Variants in TRMT11 observed in about 807,000 individuals in gnomAD.
The protein encoded by TRMT11 is tRNA methyltransferase 11.
In TRMT11, 53 loss-of-function variants were observed where a neutral mutation model predicts 62.8. The observed-to-expected ratio is 0.84, with a 90% confidence interval of 0.68 to 1.06. The LOEUF (loss-of-function observed/expected upper bound fraction) is 1.06. Ranked by LOEUF, TRMT11 falls within the 50% of genes least tolerant of loss-of-function variation. TRMT11 has a pLI of 0.00. For missense variants in TRMT11, 556 were observed against 553.4 expected, an observed-to-expected ratio of 1.00 and a Z score of -0.05; for synonymous variants, 188 against 190.3, an observed-to-expected ratio of 0.99 and a Z score of 0.10.
chr6:125,990,762 A>G (rs1382769616), intron 1 of TRMT11, among the ~76,000 whole-genome samples: 1 of 152,142 alleles, frequency 6.6e-6, no homozygotes, highest in African/African-American at 2.4e-5. Context: ...CTCAAACTGA[A>G]GTAATCTTTT....
At chr6:126,187,368 T>C (rs1057094443) in intron 1 of TRMT11, among the ~76,000 whole-genome samples, 3 of 151,666 alleles carry the variant, frequency 2.0e-5, no homozygotes. Flanking sequence ...TGCGATACAG[T>C]AAAAAAAATC....
chr6:126,137,312 G>GA (rs1432510094), intron 21 of TRMT11, among the ~76,000 whole-genome samples: 11 of 151,098 alleles, frequency 7.3e-5, no homozygotes, highest in Admixed American at 5.3e-4. Context: ...TAGCAAGCAA[G>GA]AAAAAAAATC....
chr6:126,086,764 A>G (rs957455402), intron 17 of TRMT11, among the ~76,000 whole-genome samples: 1 of 151,916 alleles, frequency 6.6e-6, no homozygotes, highest in African/African-American at 2.4e-5. Flanking sequence ...TCTAAGTTTC[A>G]TTACATCACG....
intron 2 of TRMT11, among the ~76,000 whole-genome samples, chr6:126,199,113 G>A (rs535820052): frequency 3.9e-5 from 6 of 152,148 alleles, no homozygotes; most frequent in Non-Finnish European, 8.8e-5. Context: ...TAAATAATTG[G>A]TGTGTAGCTG....
chr6:126,164,277 C>G (rs1478915783), intron 21 of TRMT11, among the ~76,000 whole-genome samples: 2 of 152,058 alleles, frequency 1.3e-5, no homozygotes, highest in African/African-American at 2.4e-5. Flanking sequence ...CATGTAGTTG[C>G]ACCTGTGTTG....
intron 21 of TRMT11, among the ~76,000 whole-genome samples, chr6:126,116,354 C>T (rs1234495155): frequency 6.6e-6 from 1 of 152,042 alleles, no homozygotes; most frequent in Admixed American, 6.6e-5. Flanking sequence ...TTTGCTAGGT[C>T]TGTCTTAGCT....
At chr6:126,121,301 G>A (rs1342732136) in intron 21 of TRMT11, among the ~76,000 whole-genome samples, 1 of 152,038 alleles carries the variant, frequency 6.6e-6, no homozygotes, top group African/African-American at 2.4e-5. Context: ...TAGATATGAT[G>A]CCCATTTATT....
At chr6:126,252,031 T>C in the TRMT11 span, among the ~76,000 whole-genome samples, 1 of 152,126 alleles carries the variant, frequency 6.6e-6, no homozygotes, top group African/African-American at 2.4e-5. Flanking sequence ...GCTTCTTCTG[T>C]CTATTGATTG....
At chr6:126,220,935 C>T in the TRMT11 span, among the ~76,000 whole-genome samples, 1 of 152,074 alleles carries the variant, frequency 6.6e-6, no homozygotes, top group Non-Finnish European at 1.5e-5. Context: ...AAAGTAGGCT[C>T]CAGTGTTTAC....
the TRMT11 span, among the ~76,000 whole-genome samples, chr6:126,253,250 C>G: frequency 6.6e-6 from 1 of 152,182 alleles, no homozygotes; most frequent in Non-Finnish European, 1.5e-5. Flanking sequence ...TTTTGCTCAT[C>G]TTGTCCCACA....
rs1456915237 is a variant in TRMT11, at chr6:126,132,710, G to C, written c.*1823+16855G>C. Among the ~76,000 whole-genome samples, 13 of 152,000 alleles carry C rather than the reference G, an allele frequency of 8.6e-5. 1 individual carries two copies. Among genetic ancestry groups the C allele is most frequent in the Non-Finnish European group, 1.5e-5 (1 of 67,958 alleles). ...CCAAGACAGTAATGACACCACGACT[G>C]TTTTTAATGACTTCCAACATAGGAA... On this transcript the variant is annotated intron_variant and NMD_transcript_variant, in intron 21 of 22. Coordinates refer to the TRMT11 transcript ENST00000648977.
intron 21 of TRMT11, among the ~76,000 whole-genome samples, chr6:126,143,766 T>C (rs1230063653): frequency 1.3e-5 from 2 of 152,228 alleles, no homozygotes; most frequent in Non-Finnish European, 2.9e-5. Flanking sequence ...GACATTGCTT[T>C]ATGTAACCAA....
chr6:126,106,835 G>A (rs1777470152), intron 17 of TRMT11, among the ~76,000 whole-genome samples: 1 of 151,316 alleles, frequency 6.6e-6, no homozygotes, highest in African/African-American at 2.4e-5. Context: ...AGGAGTATTG[G>A]TGTATACATC....
In TRMT11 at chr6:126,057,953, C is replaced by G. The variant is rs113530708; in HGVS notation, c.*1437+4763C>G. ...TCTCCCCAGTGGTATTTCTTTTTTTCTTTTTCTTTTTTTTTTTCAATTATA... is the reference window on the plus strand; with the variant it reads ...TCTCCCCAGTGGTATTTCTTTTTTTGTTTTTCTTTTTTTTTTTCAATTATA... On this transcript the variant is annotated intron_variant and NMD_transcript_variant, in intron 17 of 22. Transcript: ENST00000648977. Among the ~76,000 whole-genome samples, 249 of 124,596 alleles carry G rather than the reference C, an allele frequency of 2.0e-3. 2 individuals carry two copies. The highest frequency in any genetic ancestry group is 6.1e-3 in the African/African-American group (240 of 39,562). 81.7% of individuals were successfully genotyped at this position (124,596 alleles called of 152,430 possible).
chr6:126,019,763 C>T (rs13203752), intron 11 of TRMT11, among the ~76,000 whole-genome samples: 3,477 of 152,208 alleles, frequency 0.023, 75 homozygotes, highest in Middle Eastern at 0.086. Context: ...AGAGCAAGAT[C>T]CGTTCTCTGA....
the TRMT11 span, among the ~76,000 whole-genome samples, chr6:126,248,418 C>T: frequency 1.6e-4 from 24 of 152,068 alleles, no homozygotes; most frequent in African/African-American, 4.6e-4. Context: ...ATTGTATCTT[C>T]ACCTTTTCTG....
intron 17 of TRMT11, among the ~76,000 whole-genome samples, chr6:126,063,706 G>C (rs767830950): frequency 6.6e-5 from 10 of 152,224 alleles, no homozygotes; most frequent in Non-Finnish European, 1.0e-4. Context: ...CATGGGCCAT[G>C]CTTTGAGAGG....
chr6:125,994,660 A>G (rs980879555), intron 2 of TRMT11, among the ~76,000 whole-genome samples: 1 of 152,236 alleles, frequency 6.6e-6, no homozygotes, highest in African/African-American at 2.4e-5. Flanking sequence ...ATGCATGCAT[A>G]TGTTCATTGC....
chr6:126,038,905 C>A lies in TRMT11; in HGVS notation c.*69C>A. On this transcript the variant is annotated 3_prime_UTR_variant, in exon 13 of 13. Coordinates refer to ENST00000334379, the MANE Select transcript of TRMT11 (RefSeq NM_001031712.3). Reference sequence around the variant, plus strand: ...AAAAAGACATCTGGATGTGAACTTTCATGTATGATCCAGAAAATAGGTACG... The same window carrying A: ...AAAAAGACATCTGGATGTGAACTTTAATGTATGATCCAGAAAATAGGTACG... 7.7e-7 allele frequency: 1 copy of A among 1,305,538 alleles called. No individual in the cohort carries two copies. 80.9% of individuals were successfully genotyped at this position (1,305,538 alleles called of 1,614,324 possible).
Sources: allele counts gnomAD v4.1 joint callset (sites outside exome capture counted in the v4.1 genomes callset), GRCh38; gene constraint gnomAD v4.1.1; transcripts MANE v1.5; gene names NCBI Gene and HGNC (gene_info 2026-07-23, HGNC 2026-07-21).